Variants in KIF1B observed in about 807,000 individuals in gnomAD.
KIF1B encodes kinesin family member 1B.
KIF1B carries 76 observed loss-of-function variants against 241.9 expected under a neutral mutation model. That is an observed-to-expected ratio of 0.31 (90% CI 0.26 to 0.38). The LOEUF (loss-of-function observed/expected upper bound fraction) is 0.38, where lower values mean the gene tolerates loss of function less well. KIF1B is among the 10% of genes least tolerant of loss of function. KIF1B has a pLI of 1.00. For synonymous variants in KIF1B, 750 were observed against 796.7 expected (o/e 0.94, Z 0.99); for missense variants, 1,622 against 2,271.4 (o/e 0.71, Z 5.81).
At chr1:10,367,949 G>A (rs562591757) in intron 43 of KIF1B, among the ~76,000 whole-genome samples, 141 of 151,834 alleles carry the variant, frequency 9.3e-4, no homozygotes, top group Non-Finnish European at 1.8e-3. Flanking sequence ...GGATGATCTC[G>A]ATCTCCTGAC....
intron 27 of KIF1B, among the ~76,000 whole-genome samples, chr1:10,327,880 G>A (rs935378061): frequency 2.0e-5 from 3 of 152,156 alleles, no homozygotes; most frequent in Non-Finnish European, 1.5e-5. Context: ...AAAGGATAGC[G>A]AGTCTCCTGA....
chr1:10,363,371 AT>A (rs761340415), intron 41 of KIF1B, 27 bp downstream of exon 41: 2 of 1,569,476 alleles, frequency 1.3e-6, no homozygotes, highest in Non-Finnish European at 1.8e-6. Flanking sequence ...TGAGGAGGTG[AT>A]AGTTATCTTT....
At chr1:10,299,884 C>T (rs1650451832) in intron 22 of KIF1B, among the ~76,000 whole-genome samples, 1 of 152,242 alleles carries the variant, frequency 6.6e-6, no homozygotes, top group African/African-American at 2.4e-5. Flanking sequence ...CATTTTGTGA[C>T]ATGTGAATTG....
chr1:10,342,671 G>C (rs1652443730), intron 33 of KIF1B, among the ~76,000 whole-genome samples: 1 of 152,064 alleles, frequency 6.6e-6, no homozygotes, highest in Non-Finnish European at 1.5e-5. Flanking sequence ...TCTATTATCT[G>C]GTATTATGCC....
intron 32 of KIF1B, among the ~76,000 whole-genome samples, chr1:10,340,926 T>G (rs2102320887): frequency 6.6e-6 from 1 of 152,374 alleles, no homozygotes; most frequent in South Asian, 2.1e-4. Flanking sequence ...GCTAACCATG[T>G]CTGCTCTCTA....
chr1:10,360,837 A>G (rs189253854), intron 38 of KIF1B, 92 bp from the exon 39 acceptor site: 4 of 850,458 alleles, frequency 4.7e-6, no homozygotes, highest in Non-Finnish European at 6.2e-6. Context: ...TGGTTGGCGT[A>G]TGGTTCTTTA....
At chr1:10,319,195 G>A (rs955311909) in intron 22 of KIF1B, among the ~76,000 whole-genome samples, 2 of 149,814 alleles carry the variant, frequency 1.3e-5, no homozygotes, top group Admixed American at 1.3e-4. Context: ...TCTGCCTCCC[G>A]GGTTCAAGTG....
At chr1:10,267,246 T>C in intron 5 of KIF1B, 134 bp from the exon 6 acceptor site, 6 of 715,608 alleles carry the variant, frequency 8.4e-6, no homozygotes, top group Non-Finnish European at 1.5e-5. Context: ...CTCGAACTCG[T>C]AGTTCGAGTG....
At chr1:10,314,708 C>A (rs903413116) in intron 22 of KIF1B, among the ~76,000 whole-genome samples, 1 of 151,634 alleles carries the variant, frequency 6.6e-6, no homozygotes, top group Non-Finnish European at 1.5e-5. Flanking sequence ...GCATGTGCCA[C>A]CACACCTGGC....
chr1:10,267,543 C>T lies in KIF1B; in HGVS notation c.593C>T (p.Ala198Val), dbSNP rs773362438. 5 of 1,614,030 alleles carry T rather than the reference C, an allele frequency of 3.1e-6. No homozygotes were observed. The South Asian group carries it at 5.5e-5, about 18-fold the overall frequency. The part of the protein sequence containing the change: ...SYTDIADLMD[A>V]GNKARTVAAT... ...ACAGACATTGCTGACCTCATGGATG[C>T]TGGGAACAAAGCCAGGTATGGTAGG... The change falls in exon 6 of 49, where the codon GCT becomes GTT. Residue 198 changes from alanine (A) to valine (V), a missense_variant. Physicochemically the swap from Ala to Val is moderately conservative, Grantham distance 64. This residue lies in a region of KIF1B where 156 missense variants were observed against 244.8 expected (regional missense o/e 0.64). Transcript: ENST00000676179.
rs1455125325 is a variant in KIF1B at position 10,337,696 on chromosome 1, C to A, written c.3422+163C>A. Among the ~76,000 whole-genome samples the A allele has an allele frequency of 2.6e-5, 4 of 152,122 alleles. No individual in the cohort carries two copies. The highest frequency in any genetic ancestry group is 5.9e-5 in the Non-Finnish European group (4 of 68,026). ...TTCATCACTCCTATGGGAGTGAGAA[C>A]CAGAAACCTGTCCTGGAATGCAACA... On this transcript the variant is annotated intron_variant, in intron 31 of 48. Coordinates refer to ENST00000676179, the MANE Select transcript of KIF1B (RefSeq NM_001365951.3). This position sits in a 1 kb window ranked among gnomAD's most constrained non-coding sequence, Gnocchi z 4.0.
intron 14 of KIF1B, among the ~76,000 whole-genome samples, chr1:10,279,650 A>G (rs1231767735): frequency 2.0e-5 from 3 of 148,058 alleles, no homozygotes; most frequent in African/African-American, 7.5e-5. Flanking sequence ...GCTTTTCTCC[A>G]TAACTTGGGC....
intron 1 of KIF1B, among the ~76,000 whole-genome samples, chr1:10,212,891 T>TGTGTGC: frequency 1.8e-4 from 1 of 5,700 alleles, no homozygotes; most frequent in Non-Finnish European, 3.5e-4. Flanking sequence ...TGCGTGTGTG[T>TGTGTGC]ATATATATAT....
In KIF1B at chr1:10,379,555, G is replaced by A. The variant is rs1638972295; in HGVS notation, c.*2968G>A. 1.3e-5 allele frequency: 3 copies of A among 231,994 alleles called. No homozygotes were observed. The East Asian group carries it at 1.8e-4, about 14-fold the overall frequency. The allele number at this position is 231,994 out of a possible 1,614,324, so 14.4% of individuals were successfully genotyped here. ...TGTTTATGAGGCTCTAGTTGTTGCT[G>A]TTGTGGCGGGAAAGTTAAGAAACAT... On this transcript the variant is annotated 3_prime_UTR_variant, in exon 49 of 49. Transcript: ENST00000676179.
intron 5 of KIF1B, among the ~76,000 whole-genome samples, chr1:10,265,612 A>C (rs1648414992): frequency 6.6e-6 from 1 of 152,136 alleles, no homozygotes; most frequent in Non-Finnish European, 1.5e-5. Context: ...TGGGAGGCCA[A>C]GATGGGAGGA....
At chr1:10,289,943 A>G (rs1649907133) in intron 15 of KIF1B, among the ~76,000 whole-genome samples, 1 of 152,166 alleles carries the variant, frequency 6.6e-6, no homozygotes. Context: ...TCTCCTTACT[A>G]CAATGTAAAT....
At chr1:10,242,060 G>A (rs565185844) in intron 2 of KIF1B, among the ~76,000 whole-genome samples, 53 of 152,302 alleles carry the variant, frequency 3.5e-4, no homozygotes, top group African/African-American at 1.3e-3. Flanking sequence ...TGAATGCCTT[G>A]TACATACATA....
At chr1:10,349,652 T>C (rs1281294985) in intron 37 of KIF1B, among the ~76,000 whole-genome samples, 33 of 151,540 alleles carry the variant, frequency 2.2e-4, no homozygotes, top group Non-Finnish European at 1.0e-4. Flanking sequence ...ACACAAGCAT[T>C]TTGAGTAAGA....
intron 22 of KIF1B, among the ~76,000 whole-genome samples, chr1:10,314,226 C>G (rs1198073529): frequency 6.6e-6 from 1 of 151,486 alleles, no homozygotes; most frequent in East Asian, 1.9e-4. Context: ...TAGTTTTTGT[C>G]ACAAAATGAA....
Sources: gnomAD v4.1 joint callset for allele counts (sites outside exome capture counted in the v4.1 genomes callset) on GRCh38, gnomAD v4.1.1 for gene constraint, gnomAD v4.1.1 regional missense constraint, Gnocchi (gnomAD v3.1) non-coding constraint, MANE v1.5 for transcripts, NCBI Gene and HGNC (gene_info 2026-07-23, HGNC 2026-07-21) for gene names.